Variants in FHIT observed in about 807,000 individuals in gnomAD.
FHIT encodes the protein bis(5'-adenosyl)-triphosphatase.
In FHIT, 19 loss-of-function variants were observed where a neutral mutation model predicts 17.9. That is an observed-to-expected ratio of 1.06 (90% CI 0.74 to 1.56). The LOEUF is 1.56. Ranked by LOEUF, FHIT falls within the 40% of genes most tolerant of loss-of-function variation. The probability of loss-of-function intolerance (pLI) is 0.00; values close to 1 mark genes in which losing one functional copy is unlikely to be tolerated. For missense variants in FHIT, 248 were observed against 189.2 expected (o/e 1.31, Z -1.82); for synonymous variants, 81 against 69.7 (o/e 1.16, Z -0.81).
At chr3:60,515,918 T>C (rs1177261907) in intron 5 of FHIT, among the ~76,000 whole-genome samples, 1 of 152,146 alleles carries the variant, frequency 6.6e-6, no homozygotes, top group Non-Finnish European at 1.5e-5. Flanking sequence ...AAGCTTATAT[T>C]CCTCAGCCCA....
intron 2 of FHIT, among the ~76,000 whole-genome samples, chr3:61,117,283 G>A (rs1395108076): frequency 6.6e-6 from 1 of 152,080 alleles, no homozygotes. Context: ...CTTGCTTGCC[G>A]GGCAGGTGCC....
chr3:60,260,412 A>C (rs1489283356), intron 5 of FHIT, among the ~76,000 whole-genome samples: 1 of 151,914 alleles, frequency 6.6e-6, no homozygotes, highest in Non-Finnish European at 1.5e-5. Flanking sequence ...TACAGAACTT[A>C]TTTTTCTTCC....
intron 2 of FHIT, among the ~76,000 whole-genome samples, chr3:61,145,820 A>G (rs189231862): frequency 6.6e-6 from 1 of 152,186 alleles, no homozygotes; most frequent in Non-Finnish European, 1.5e-5. Context: ...GTTCATTGCT[A>G]GTATATAGAA....
In FHIT at chr3:60,301,466, C is replaced by T. The variant is rs1708456573; in HGVS notation, c.103+235394G>A. 2.0e-5 allele frequency among the ~76,000 whole-genome samples: 3 copies of T among 152,132 alleles called. No homozygotes were observed. In the South Asian group the frequency reaches 6.2e-4, roughly 32 times the overall value. ...ACAAACTCATTCAGCCTCATGTGCT[C>T]AACCCATACACATAAACTCTGTTCT... On this transcript the variant is annotated intron_variant, in intron 5 of 9. Transcript: ENST00000492590.
At chr3:61,049,610 G>A (rs1291352381) in intron 2 of FHIT, among the ~76,000 whole-genome samples, 1 of 152,026 alleles carries the variant, frequency 6.6e-6, no homozygotes, top group Non-Finnish European at 1.5e-5. Flanking sequence ...TGATGAAATA[G>A]GACATACATA....
At chr3:60,695,354 C>A (rs1052238939) in intron 4 of FHIT, among the ~76,000 whole-genome samples, 9 of 152,116 alleles carry the variant, frequency 5.9e-5, no homozygotes, top group Non-Finnish European at 1.2e-4. Context: ...CGAGATTGTG[C>A]CACTGCACTC....
At chr3:60,728,420 T>C (rs1338125491) in intron 4 of FHIT, among the ~76,000 whole-genome samples, 4 of 152,250 alleles carry the variant, frequency 2.6e-5, no homozygotes, top group African/African-American at 2.4e-5. Context: ...CAAAACTAAA[T>C]TCTTCAGTTT....
At chr3:60,406,666 G>A (rs547861680) in intron 5 of FHIT, among the ~76,000 whole-genome samples, 2 of 138,234 alleles carry the variant, frequency 1.4e-5, no homozygotes, top group African/African-American at 2.6e-5. Context: ...AAATTCTAGA[G>A]AAGGATGGTG....
intron 3 of FHIT, among the ~76,000 whole-genome samples, chr3:60,959,046 T>C (rs1709295137): frequency 6.6e-6 from 1 of 152,198 alleles, no homozygotes; most frequent in African/African-American, 2.4e-5. Context: ...CTTAAGCAGG[T>C]TTCCTTACTT....
At chr3:59,870,695 C>A (rs944475446) in intron 8 of FHIT, among the ~76,000 whole-genome samples, 5 of 152,146 alleles carry the variant, frequency 3.3e-5, no homozygotes, top group Non-Finnish European at 4.4e-5. Flanking sequence ...AAAATCAAAA[C>A]CAGGGAGCCC....
intron 3 of FHIT, among the ~76,000 whole-genome samples, chr3:60,941,764 C>T (rs1708415701): frequency 6.6e-6 from 1 of 152,154 alleles, no homozygotes; most frequent in African/African-American, 2.4e-5. Context: ...CCCTATTCGT[C>T]CTTCATACCA....
intron 8 of FHIT, among the ~76,000 whole-genome samples, chr3:59,755,468 G>A (rs546887063): frequency 1.3e-5 from 2 of 152,342 alleles, no homozygotes; most frequent in South Asian, 4.1e-4. Flanking sequence ...CGGAGAGAAA[G>A]CCCTAATGAT....
At chr3:59,756,213 A>C (rs1559575754) in intron 8 of FHIT, among the ~76,000 whole-genome samples, 1 of 152,116 alleles carries the variant, frequency 6.6e-6, no homozygotes, top group Non-Finnish European at 1.5e-5. Context: ...TTTTGGACCT[A>C]ACTAACTACT....
chr3:59,944,030 C>T (rs1215210769), intron 7 of FHIT, among the ~76,000 whole-genome samples: 1 of 152,128 alleles, frequency 6.6e-6, no homozygotes, highest in Non-Finnish European at 1.5e-5. Context: ...GGACTCAGTA[C>T]TAGGTACTGT....
At chr3:60,535,302 A>G (rs1442495396) in intron 5 of FHIT, among the ~76,000 whole-genome samples, 1 of 152,172 alleles carries the variant, frequency 6.6e-6, no homozygotes, top group African/African-American at 2.4e-5. Flanking sequence ...ATTTAGACAA[A>G]TGGATCTTGT....
At chr3:60,358,912 T>C (rs1347242515) in intron 5 of FHIT, among the ~76,000 whole-genome samples, 2 of 152,346 alleles carry the variant, frequency 1.3e-5, no homozygotes, top group Admixed American at 1.3e-4. Flanking sequence ...TATTAAATAA[T>C]GTGTGTTGTA....
chr3:60,096,618 G>C (rs907564168), intron 5 of FHIT, among the ~76,000 whole-genome samples: 1 of 152,116 alleles, frequency 6.6e-6, no homozygotes, highest in African/African-American at 2.4e-5. Flanking sequence ...AGAGTCATCT[G>C]TTCATCAGTT....
intron 4 of FHIT, among the ~76,000 whole-genome samples, chr3:60,666,846 T>C (rs1209389018): frequency 7.5e-6 from 1 of 132,854 alleles, no homozygotes; most frequent in Non-Finnish European, 1.5e-5. Context: ...TTTATCTTTT[T>C]CTTTTTTCTT....
At chr3:60,364,172 G>A (rs1254353932) in intron 5 of FHIT, among the ~76,000 whole-genome samples, 2 of 152,148 alleles carry the variant, frequency 1.3e-5, no homozygotes, top group Non-Finnish European at 2.9e-5. Flanking sequence ...TTCTAATAAT[G>A]CCTTTGGTCT....
Sources: gnomAD v4.1 joint callset for allele counts (sites outside exome capture counted in the v4.1 genomes callset) on GRCh38, gnomAD v4.1.1 for gene constraint, MANE v1.5 for transcripts, NCBI Gene and HGNC (gene_info 2026-07-23, HGNC 2026-07-21) for gene names.